The following SH3RF3 variants were observed in gnomAD, a reference collection of about 807,000 sequenced individuals.
SH3RF3 encodes E3 ubiquitin-protein ligase SH3RF3.
In SH3RF3, 29 loss-of-function variants were observed where a neutral mutation model predicts 66.3. The ratio of observed to expected loss-of-function variants is 0.44; its 90% CI spans 0.33 to 0.60. The LOEUF (loss-of-function observed/expected upper bound fraction) is 0.60, where lower values mean the gene tolerates loss of function less well. Among genes scored for constraint, SH3RF3 ranks in the 20% least tolerant of loss-of-function variants. The pLI is 0.04. For missense variants in SH3RF3, 1,194 were observed against 1,190.9 expected, an observed-to-expected ratio of 1.00 and a Z score of -0.04; for synonymous variants, 583 against 532.0, an observed-to-expected ratio of 1.10 and a Z score of -1.32.
At chr2:109,178,024 C>G (rs1677967581) in intron 1 of SH3RF3, among the ~76,000 whole-genome samples, 1 of 152,114 alleles carries the variant, frequency 6.6e-6, no homozygotes, top group South Asian at 2.1e-4. Flanking sequence ...ATCTTTTCTC[C>G]CAATTGTTCA....
At chr2:109,300,739 A>G (rs1681446219) in intron 1 of SH3RF3, among the ~76,000 whole-genome samples, 1 of 152,160 alleles carries the variant, frequency 6.6e-6, no homozygotes, top group Non-Finnish European at 1.5e-5. Flanking sequence ...TTCAGAGCCC[A>G]CCAGCTGGAG....
At chr2:109,243,980 C>T (rs1679851106) in intron 1 of SH3RF3, among the ~76,000 whole-genome samples, 2 of 152,198 alleles carry the variant, frequency 1.3e-5, no homozygotes, top group Non-Finnish European at 2.9e-5. Flanking sequence ...TTGCCCTGCC[C>T]AGCTCATGTG....
chr2:109,279,059 A>C (rs1027314966), intron 1 of SH3RF3, among the ~76,000 whole-genome samples: 2 of 152,182 alleles, frequency 1.3e-5, no homozygotes, highest in Non-Finnish European at 2.9e-5. Flanking sequence ...GGGAGCATGA[A>C]AGTAAGAGGA....
rs1029604656 is a variant in SH3RF3 at position 109,218,700 on chromosome 2, T to G, written c.573+88587T>G. ...GAGGGAGGGTGGTGTTTTCTTGCCC[T>G]TTCATCATGGCTGGACTTTGGCACT... On this transcript the variant is annotated intron_variant, in intron 1 of 9. Coordinates refer to ENST00000309415, the MANE Select transcript of SH3RF3 (RefSeq NM_001099289.3). Among the ~76,000 whole-genome samples the G allele has an allele frequency of 5.9e-5, 9 of 152,298 alleles. No homozygotes were observed. In the East Asian group the frequency reaches 9.7e-4, roughly 16 times the overall value.
In SH3RF3 at chr2:109,341,656, A is replaced by G. The variant is rs56663980; in HGVS notation, c.574-6018A>G. Among the ~76,000 whole-genome samples the G allele has an allele frequency of 8.2e-3, 1,245 of 152,234 alleles. 21 individuals carry two copies. The highest frequency in any genetic ancestry group is 0.028 in the African/African-American group (1,174 of 41,536). ...GTGTGTTCTGCAAGGTCACCCCAAG[A>G]CCCAGGTTTCTTCCCCCTTTGCTCT... On this transcript the variant is annotated intron_variant, in intron 1 of 9. Coordinates refer to ENST00000309415, the MANE Select transcript of SH3RF3 (RefSeq NM_001099289.3).
chr2:109,176,996 C>G (rs1677931125), intron 1 of SH3RF3, among the ~76,000 whole-genome samples: 1 of 152,166 alleles, frequency 6.6e-6, no homozygotes, highest in African/African-American at 2.4e-5. Context: ...GAGCCCTGCA[C>G]TGGGGTGAGC....
intron 1 of SH3RF3, among the ~76,000 whole-genome samples, chr2:109,150,122 C>G (rs769177964): frequency 3.0e-4 from 46 of 152,248 alleles, no homozygotes; most frequent in Non-Finnish European, 5.9e-4. Flanking sequence ...AGAAGGCCAA[C>G]AAAAGGTGGT....
In SH3RF3 at chr2:109,240,536, A is replaced by G. The variant is rs540971701; in HGVS notation, c.574-107138A>G. Among the ~76,000 whole-genome samples the G allele has an allele frequency of 2.6e-5, 4 of 152,284 alleles. No individual in the cohort carries two copies. In the South Asian group the frequency reaches 6.2e-4, roughly 24 times the overall value. On this transcript the variant is annotated intron_variant, in intron 1 of 9. Coordinates refer to ENST00000309415, the MANE Select transcript of SH3RF3 (RefSeq NM_001099289.3). ...AAAACCAGAGTCAGGGTTGGGCTTGATGGTCCCTATCAGTAGCAGAGTCCC... is the reference window on the plus strand; with the variant it reads ...AAAACCAGAGTCAGGGTTGGGCTTGGTGGTCCCTATCAGTAGCAGAGTCCC...
intron 1 of SH3RF3, among the ~76,000 whole-genome samples, chr2:109,207,475 T>A (rs1256171855): frequency 6.6e-6 from 1 of 152,240 alleles, no homozygotes; most frequent in African/African-American, 2.4e-5. Flanking sequence ...TATGTAATAA[T>A]GTTATGCAGC....
chr2:109,194,652 G>C (rs1678453387), intron 1 of SH3RF3, among the ~76,000 whole-genome samples: 1 of 152,178 alleles, frequency 6.6e-6, no homozygotes, highest in African/African-American at 2.4e-5. Flanking sequence ...AGGAAGAGAT[G>C]GGTTTGGTGA....
At position 109,349,021 on chromosome 2, in the gene SH3RF3, C is replaced by G. The variant is rs559320209; in HGVS notation, c.849+1072C>G. ...CCTGTGTCTCTCTGTGTCAGTATTTCTCTCTCTCTCTCTCTCACACACACA... is the reference window on the plus strand; with the variant it reads ...CCTGTGTCTCTCTGTGTCAGTATTTGTCTCTCTCTCTCTCTCACACACACA... On this transcript the variant is annotated intron_variant, in intron 2 of 9. Transcript: ENST00000309415. 8.6e-5 allele frequency among the ~76,000 whole-genome samples: 13 copies of G among 150,782 alleles called. No homozygotes were observed. In the South Asian group the frequency reaches 2.7e-3, roughly 32 times the overall value.
intron 1 of SH3RF3, among the ~76,000 whole-genome samples, chr2:109,135,086 C>A (rs1379452081): frequency 1.3e-5 from 2 of 152,218 alleles, no homozygotes; most frequent in Non-Finnish European, 2.9e-5. Context: ...CAAATAGAGG[C>A]CGTGGCTTCA....
chr2:109,302,882 T>C (rs1681503814), intron 1 of SH3RF3, among the ~76,000 whole-genome samples: 1 of 152,072 alleles, frequency 6.6e-6, no homozygotes, highest in African/African-American at 2.4e-5. Flanking sequence ...CTTTTTTTGT[T>C]TGTTTGTTTT....
intron 1 of SH3RF3, among the ~76,000 whole-genome samples, chr2:109,264,697 T>C (rs1330989671): frequency 1.3e-5 from 2 of 152,216 alleles, no homozygotes; most frequent in Non-Finnish European, 2.9e-5. Context: ...GGATGCTAGA[T>C]GTTTCCGTAA....
chr2:109,183,047 G>A (rs1179714601), intron 1 of SH3RF3, among the ~76,000 whole-genome samples: 8 of 152,108 alleles, frequency 5.3e-5, no homozygotes, highest in African/African-American at 1.2e-4. Context: ...TTTTCTAGTC[G>A]TTTTTATCCC....
intron 1 of SH3RF3, among the ~76,000 whole-genome samples, chr2:109,299,665 G>A (rs991207674): frequency 6.6e-6 from 1 of 152,138 alleles, no homozygotes; most frequent in Non-Finnish European, 1.5e-5. Context: ...TGTACTTGCC[G>A]AACCTAAAAG....
intron 1 of SH3RF3, among the ~76,000 whole-genome samples, chr2:109,173,415 G>A (rs1358062272): frequency 6.6e-6 from 1 of 152,112 alleles, no homozygotes; most frequent in Non-Finnish European, 1.5e-5. Context: ...ATCTTGGTTT[G>A]GAAGAATTCG....
Position 109,156,305 on chromosome 2 carries a change from C to T in SH3RF3, c.573+26192C>T, listed in dbSNP as rs145450384. ...GCTATCTCATCTTCAGTGTTTTCTC[C>T]GCCCCTCGCATCTTCCCCTGCTGGG... On this transcript the variant is annotated intron_variant, in intron 1 of 9. Transcript: ENST00000309415. 8.2e-3 allele frequency among the ~76,000 whole-genome samples: 1,242 copies of T among 152,308 alleles called. 10 individuals are homozygous for T. The highest frequency in any genetic ancestry group is 9.7e-3 in the Non-Finnish European group (661 of 68,034).
At chr2:109,243,309 C>G (rs1432417263) in intron 1 of SH3RF3, among the ~76,000 whole-genome samples, 1 of 152,264 alleles carries the variant, frequency 6.6e-6, no homozygotes, top group South Asian at 2.1e-4. Flanking sequence ...CTGAGACTCC[C>G]GTGTGCTTTT....
Sources: gnomAD v4.1 joint callset for allele counts (sites outside exome capture counted in the v4.1 genomes callset) on GRCh38, gnomAD v4.1.1 for gene constraint, MANE v1.5 for transcripts, NCBI Gene and HGNC (gene_info 2026-07-23, HGNC 2026-07-21) for gene names.